The following CUBN variants were observed in gnomAD, a reference collection of about 807,000 sequenced individuals.
CUBN encodes 460 kDa receptor.
CUBN carries 282 observed loss-of-function variants against 405.3 expected under a neutral mutation model. The observed-to-expected ratio is 0.70, with a 90% confidence interval of 0.63 to 0.77. The LOEUF is 0.77. Among genes scored for constraint, CUBN ranks in the 30% least tolerant of loss-of-function variants. The pLI is 0.00. For synonymous variants in CUBN, 1,684 were observed against 1,617.0 expected (o/e 1.04, Z -0.99); for missense variants, 4,514 against 4,475.2 (o/e 1.01, Z -0.25).
intron 64 of CUBN, among the ~76,000 whole-genome samples, chr10:16,832,786 T>A (rs1839047380): frequency 6.6e-6 from 1 of 152,134 alleles, no homozygotes; most frequent in Non-Finnish European, 1.5e-5. Flanking sequence ...AAGCATGGTC[T>A]AGAGCTCGGC....
chr10:17,022,248 G>A (rs1834519837), intron 27 of CUBN, among the ~76,000 whole-genome samples: 2 of 152,256 alleles, frequency 1.3e-5, no homozygotes, highest in South Asian at 2.1e-4. Flanking sequence ...CTCATCATAA[G>A]TGCTTGTGAG....
intron 46 of CUBN, among the ~76,000 whole-genome samples, chr10:16,915,579 C>A (rs1350886217): frequency 1.3e-5 from 2 of 152,174 alleles, no homozygotes; most frequent in African/African-American, 4.8e-5. Context: ...TGCCTTCCCA[C>A]TACCGTTGCT....
Position 16,963,187 on chromosome 10 carries a change from C to CTTTTTTTTTTTTTTTTTTTTT in CUBN, c.4696-8640_4696-8639insAAAAAAAAAAAAAAAAAAAAA, listed in dbSNP as rs1189695066. The stretch of plus-strand genomic sequence containing the variant: ...ATACATTTCTTTTTTCTTTTCTTTT[C>CTTTTTTTTTTTTTTTTTTTTT]TTTTTTTTCTTTTTTTTTTTTTTTT... On this transcript the variant is annotated intron_variant, in intron 31 of 66. Transcript: ENST00000377833. 3.0e-4 allele frequency among the ~76,000 whole-genome samples: 25 copies of CTTTTTTTTTTTTTTTTTTTTT among 84,350 alleles called. 6 individuals carry two copies. Among genetic ancestry groups the CTTTTTTTTTTTTTTTTTTTTT allele is most frequent in the South Asian group, 8.7e-4 (2 of 2,296 alleles). 55.3% of individuals were successfully genotyped at this position (84,350 alleles called of 152,430 possible). A position where few individuals can be genotyped will look rare whatever the true frequency, so the allele number is the denominator to read the frequency against.
intron 36 of CUBN, among the ~76,000 whole-genome samples, chr10:16,943,046 T>C (rs200728439): frequency 6.6e-6 from 1 of 152,204 alleles, no homozygotes. Context: ...TGGAGGAGAA[T>C]AGTTAGAGAT....
At chr10:17,065,026 T>C (rs529177875) in intron 22 of CUBN, among the ~76,000 whole-genome samples, 2 of 152,198 alleles carry the variant, frequency 1.3e-5, no homozygotes, top group East Asian at 3.9e-4. Flanking sequence ...TTCATTCTGA[T>C]AGAATTTTAA....
chr10:16,990,947 C>T (rs940554459), intron 28 of CUBN, among the ~76,000 whole-genome samples: 2 of 152,172 alleles, frequency 1.3e-5, no homozygotes, highest in Non-Finnish European at 2.9e-5. Context: ...CATTATTCTG[C>T]AGTCCCGTGC....
At chr10:17,077,850 C>T (rs1564506092) in intron 17 of CUBN, among the ~76,000 whole-genome samples, 1 of 152,118 alleles carries the variant, frequency 6.6e-6, no homozygotes, top group Non-Finnish European at 1.5e-5. Context: ...ATCCTTTGTT[C>T]TTTATTAGTA....
intron 64 of CUBN, among the ~76,000 whole-genome samples, chr10:16,834,552 A>G (rs527752347): frequency 1.6e-4 from 24 of 152,326 alleles, no homozygotes; most frequent in Admixed American, 3.9e-4. Flanking sequence ...GAGGATGTTG[A>G]CGATGCCCCA....
In CUBN at chr10:16,918,507, G is replaced by A. The variant is rs1841949376; in HGVS notation, c.7000+115C>T. 2.2e-5 allele frequency: 17 copies of A among 779,758 alleles called. No individual in the cohort carries two copies. The South Asian group carries it at 2.3e-4, about 11-fold the overall frequency. 48.3% of individuals were successfully genotyped at this position (779,758 alleles called of 1,614,324 possible). On this transcript the variant is annotated intron_variant, in intron 45 of 66. Coordinates refer to ENST00000377833, the MANE Select transcript of CUBN (RefSeq NM_001081.4). ...AAATAACTATTAGGTACTAGGCATA[G>A]TACCTGGCTGATGAAATAATCTCTA...
intron 31 of CUBN, among the ~76,000 whole-genome samples, chr10:16,956,381 CAAAGATTGATT>C (rs1175877691): frequency 6.6e-6 from 1 of 151,388 alleles, no homozygotes; most frequent in Non-Finnish European, 1.5e-5. Context: ...TTTCATTCAA[CAAAGATTGATT>C]AAAAACTAAA....
chr10:16,897,865 T>C (rs1841236265), intron 54 of CUBN, among the ~76,000 whole-genome samples: 1 of 152,068 alleles, frequency 6.6e-6, no homozygotes, highest in African/African-American at 2.4e-5. Context: ...GCTTGCCCGA[T>C]GTTATCAGAG....
At chr10:17,085,497 C>G (rs1478434443) in intron 16 of CUBN, 100 bp downstream of exon 16, 4 of 1,196,302 alleles carry the variant, frequency 3.3e-6, no homozygotes, top group Non-Finnish European at 3.7e-6. Flanking sequence ...TGGTCTAAGA[C>G]AGTCAGTCAT....
intron 27 of CUBN, among the ~76,000 whole-genome samples, chr10:17,026,053 C>T (rs540977190): frequency 1.3e-5 from 2 of 152,256 alleles, no homozygotes; most frequent in Admixed American, 6.5e-5. Context: ...CCTCCCTTCC[C>T]CTTTGGGTCC....
At chr10:16,840,278 T>C (rs967044888) in intron 62 of CUBN, 52 bp downstream of exon 62, 23 of 1,460,768 alleles carry the variant, frequency 1.6e-5, no homozygotes, top group African/African-American at 1.5e-4. Flanking sequence ...GTTTTGCAAA[T>C]ACTGGTGAAA....
At chr10:16,862,066 T>C (rs930228811) in intron 59 of CUBN, among the ~76,000 whole-genome samples, 3 of 151,846 alleles carry the variant, frequency 2.0e-5, no homozygotes, top group Admixed American at 6.6e-5. Context: ...GGAGAATTGC[T>C]TGAACCTGGG....
At chr10:16,837,160 C>A (rs1433807876) in intron 62 of CUBN, among the ~76,000 whole-genome samples, 1 of 152,022 alleles carries the variant, frequency 6.6e-6, no homozygotes, top group Non-Finnish European at 1.5e-5. Flanking sequence ...ATCCTGTGAA[C>A]TTTAACTGCA....
rs1375309070 is a variant in CUBN at position 16,835,140 on chromosome 10, T to G, written c.10236A>C (p.Pro3412=). 6.2e-7 allele frequency: 1 copy of G among 1,614,208 alleles called. No homozygotes were observed. The highest frequency in any genetic ancestry group is 8.5e-7 in the Non-Finnish European group (1 of 1,180,016). Residue 3412 remains proline (P), a synonymous_variant, in exon 64 of 67, where the codon CCA becomes CCC. Coordinates refer to ENST00000377833, the MANE Select transcript of CUBN (RefSeq NM_001081.4). ...AFGNLRSPGW[P]DNYDNDKDCT... is the part of the protein sequence containing the mutation. ...AATCCTTGTCATTGTCGTAGTTATC[T>G]GGCCATCCAGGGCTTCTCAGGTTGC... is the stretch of plus-strand genomic sequence containing the variant.
chr10:16,882,436 A>C (rs1018715442), intron 56 of CUBN, among the ~76,000 whole-genome samples: 3 of 152,184 alleles, frequency 2.0e-5, no homozygotes, highest in Non-Finnish European at 4.4e-5. Context: ...CATGCAGTAA[A>C]ATTTAATTTT....
At chr10:16,966,029 A>C (rs1235343285) in intron 31 of CUBN, 2 of 469,768 alleles carry the variant, frequency 4.3e-6, no homozygotes, top group Admixed American at 4.7e-5. Flanking sequence ...ATGTTGAGAG[A>C]CCATGATTCT....
Sources: gnomAD v4.1 joint callset for allele counts (sites outside exome capture counted in the v4.1 genomes callset) on GRCh38, gnomAD v4.1.1 for gene constraint, MANE v1.5 for transcripts, NCBI Gene and HGNC (gene_info 2026-07-23, HGNC 2026-07-21) for gene names.